The following TSPO variants were observed in gnomAD, a reference collection of about 807,000 sequenced individuals.
TSPO encodes benzodiazepine peripheral binding site.
In TSPO, 14 loss-of-function variants were observed where a neutral mutation model predicts 13.9. The observed-to-expected ratio is 1.01, with a 90% CI of 0.67 to 1.58. The LOEUF is 1.58. TSPO is among the 40% of genes most tolerant of loss of function. TSPO has a pLI of 0.00. For synonymous variants in TSPO, 114 were observed against 105.9 expected (o/e 1.08, Z -0.47); for missense variants, 232 against 229.6 (o/e 1.01, Z -0.07).
intron 2 of TSPO, 190 bp downstream of exon 2, chr22:43,159,610 T>G (rs1931369341): frequency 5.5e-6 from 3 of 544,254 alleles, no homozygotes; most frequent in Admixed American, 4.1e-5. Flanking sequence ...CCTGGGCCCC[T>G]GGGGGGATGG....
chr22:43,157,508 G>A (rs925654096), intron 1 of TSPO, among the ~76,000 whole-genome samples: 1 of 152,150 alleles, frequency 6.6e-6, no homozygotes. Context: ...TGGCAGCACC[G>A]GAATCTGCTG....
chr22:43,160,585 G>A (rs940305461), intron 2 of TSPO, among the ~76,000 whole-genome samples: 1 of 152,148 alleles, frequency 6.6e-6, no homozygotes, highest in Non-Finnish European at 1.5e-5. Context: ...CCCATGATCA[G>A]GCCTCCCCCT....
At chr22:43,160,026 G>T (rs1455375904) in intron 2 of TSPO, among the ~76,000 whole-genome samples, 1 of 152,300 alleles carries the variant, frequency 6.6e-6, no homozygotes. Flanking sequence ...AATGTTCCCT[G>T]CATCCTGGTT....
chr22:43,159,019 G>A (rs1569479649), intron 1 of TSPO, among the ~76,000 whole-genome samples, 191 bp from the exon 2 acceptor site: 2 of 152,098 alleles, frequency 1.3e-5, no homozygotes, highest in African/African-American at 4.8e-5. Flanking sequence ...AAGGTGAGGC[G>A]AGGCAGCTGG....
Position 43,163,206 on chromosome 22 carries a change from A to G in TSPO, c.*215A>G. On this transcript the variant is annotated 3_prime_UTR_variant, in exon 4 of 4. Coordinates refer to ENST00000337554, the MANE Select transcript of TSPO (RefSeq NM_000714.6). ...CTTAGAGCATGTTCTTGGAACATGG[A>G]ATTTTATAAGCTGAATAAAGTTTTT... is the stretch of plus-strand genomic sequence containing the variant. 7.2e-7 allele frequency: 1 copy of G among 1,379,394 alleles called. No homozygotes were observed. Among genetic ancestry groups the G allele is most frequent in the Non-Finnish European group, 9.5e-7 (1 of 1,052,122 alleles). The allele number at this position is 1,379,394 out of a possible 1,614,324, so 85.4% of individuals were successfully genotyped here.
chr22:43,159,252 G>T lies in TSPO; in HGVS notation c.14G>T (p.Trp5Leu). The change falls in exon 2 of 4, where the codon TGG (tryptophan) becomes TTG (leucine). Residue 5 changes from tryptophan (W) to leucine (L), a missense_variant. Coordinates refer to ENST00000337554, the MANE Select transcript of TSPO (RefSeq NM_000714.6). MAPP[W>L]VPAMGFTLAP... ...GCTGCAGCAGCCATGGCCCCGCCCTGGGTGCCCGCCATGGGCTTCACGCTG... is the reference window on the plus strand; with the variant it reads ...GCTGCAGCAGCCATGGCCCCGCCCTTGGTGCCCGCCATGGGCTTCACGCTG... The T allele has an allele frequency of 6.4e-7, 1 of 1,556,766 alleles. No homozygotes were observed. Among genetic ancestry groups the T allele is most frequent in the Non-Finnish European group, 8.7e-7 (1 of 1,151,302 alleles).
intron 1 of TSPO, among the ~76,000 whole-genome samples, chr22:43,155,162 G>A (rs1031751919): frequency 6.6e-6 from 1 of 152,184 alleles, no homozygotes; most frequent in Non-Finnish European, 1.5e-5. Flanking sequence ...AGAAAGTTCT[G>A]TGACTTCTCA....
At chr22:43,157,529 ACT>A (rs973080600) in intron 1 of TSPO, among the ~76,000 whole-genome samples, 3 of 151,760 alleles carry the variant, frequency 2.0e-5, no homozygotes, top group Non-Finnish European at 4.4e-5. Context: ...GATGCCTGAC[ACT>A]CTGTTCCTTT....
chr22:43,161,485 AGCT>A (rs1312520280), intron 3 of TSPO, among the ~76,000 whole-genome samples: 20 of 149,406 alleles, frequency 1.3e-4, no homozygotes, highest in Non-Finnish European at 2.4e-4. Context: ...TCTACATAAC[AGCT>A]TCTTCTTTTT....
chr22:43,154,245 G>GGA (rs1931182219), intron 1 of TSPO, among the ~76,000 whole-genome samples: 1 of 152,164 alleles, frequency 6.6e-6, no homozygotes, highest in African/African-American at 2.4e-5. Context: ...GGCTTCGTTG[G>GGA]AGAGACAAGG....
At chr22:43,155,831 G>C (rs180919943) in intron 1 of TSPO, among the ~76,000 whole-genome samples, 1 of 152,298 alleles carries the variant, frequency 6.6e-6, no homozygotes, top group African/African-American at 2.4e-5. Flanking sequence ...CCTGAGTCCT[G>C]TCCCTGCCAT....
chr22:43,155,187 C>T (rs1385401871), intron 1 of TSPO, among the ~76,000 whole-genome samples: 2 of 152,146 alleles, frequency 1.3e-5, no homozygotes, highest in Non-Finnish European at 1.5e-5. Flanking sequence ...TCAGTTTCCT[C>T]ATCTGGAAAA....
Position 43,162,968 on chromosome 22 carries a change from G to A in TSPO, c.487G>A (p.Gly163Arg). Residue 163 changes from glycine to arginine, a missense_variant, in exon 4 of 4, where the codon GGG becomes AGG. Transcript: ENST00000337554. ...ATGGCGGGACAACCATGGCTGGCGT[G>A]GGGGACGGCGGCTGCCAGAGTGAGT... ...CVWRDNHGWR[G>R]GRRLPE 2 of 1,585,538 alleles carry A rather than the reference G, an allele frequency of 1.3e-6. No individual in the cohort carries two copies. The highest frequency in any genetic ancestry group is 8.6e-7 in the Non-Finnish European group (1 of 1,166,846).
chr22:43,157,293 C>T (rs1446443760), intron 1 of TSPO, among the ~76,000 whole-genome samples: 7 of 42,258 alleles, frequency 1.7e-4, no homozygotes, highest in Non-Finnish European at 4.6e-4. Flanking sequence ...GAGGGCGGGG[C>T]GGGGCAGGAG....
At chr22:43,155,376 G>A (rs1931218282) in intron 1 of TSPO, among the ~76,000 whole-genome samples, 1 of 152,182 alleles carries the variant, frequency 6.6e-6, no homozygotes, top group South Asian at 2.1e-4. Context: ...AGCTGAGCAA[G>A]GCTTGGAACC....
At position 43,161,135 on chromosome 22, in the gene TSPO, T is replaced by C; in HGVS notation, c.266T>C (p.Leu89Pro). Residue 89 changes from leucine (L) to proline (P), a missense_variant, in exon 3 of 4, where the codon CTG becomes CCG. Physicochemically the swap from Leu to Pro is moderately conservative, Grantham distance 98. Coordinates refer to ENST00000337554, the MANE Select transcript of TSPO (RefSeq NM_000714.6). ...VVPLGLYTGQ[L>P]ALNWAWPPIF... ...CCCCTGGGCCTCTACACTGGGCAGC[T>C]GGCCCTGAACTGGGCATGGCCCCCC... 6.2e-7 allele frequency: 1 copy of C among 1,614,198 alleles called. No individual in the cohort carries two copies. The highest frequency in any genetic ancestry group is 8.5e-7 in the Non-Finnish European group (1 of 1,180,000).
intron 3 of TSPO, among the ~76,000 whole-genome samples, chr22:43,162,046 GT>G (rs1341171444): frequency 6.6e-6 from 1 of 151,688 alleles, no homozygotes; most frequent in African/African-American, 2.4e-5. Context: ...CACCTCCCAG[GT>G]TCAAGTGATT....
chr22:43,157,509 G>C (rs1931290896), intron 1 of TSPO, among the ~76,000 whole-genome samples: 1 of 152,136 alleles, frequency 6.6e-6, no homozygotes, highest in East Asian at 1.9e-4. Context: ...GGCAGCACCG[G>C]AATCTGCTGG....
chr22:43,161,472 C>A (rs993000758), intron 3 of TSPO, among the ~76,000 whole-genome samples: 12 of 152,000 alleles, frequency 7.9e-5, no homozygotes, highest in Non-Finnish European at 1.6e-4. Context: ...GGTCACTGGC[C>A]CCTCTACATA....
Sources: allele counts gnomAD v4.1 joint callset (sites outside exome capture counted in the v4.1 genomes callset), GRCh38; gene constraint gnomAD v4.1.1; transcripts MANE v1.5; gene names NCBI Gene and HGNC (gene_info 2026-07-23, HGNC 2026-07-21).